Variants in PRRC2B observed in about 807,000 individuals in gnomAD.
The protein encoded by PRRC2B is proline rich coiled-coil 2B.
A neutral mutation model predicts 242.3 loss-of-function variants in PRRC2B; 68 were observed. That is an observed-to-expected ratio of 0.28 (90% CI 0.23 to 0.34). PRRC2B has a LOEUF of 0.34. Among genes scored for constraint, PRRC2B ranks in the 10% least tolerant of loss-of-function variants. The probability of loss-of-function intolerance (pLI) is 1.00; values close to 1 mark genes in which losing one functional copy is unlikely to be tolerated. For missense variants in PRRC2B, 2,835 were observed against 2,954.8 expected, an observed-to-expected ratio of 0.96 and a Z score of 0.94; for synonymous variants, 1,228 against 1,173.6, an observed-to-expected ratio of 1.05 and a Z score of -0.95.
At chr9:131,385,381 C>A (rs1489232719) in intron 1 of PRRC2B, among the ~76,000 whole-genome samples, 3 of 149,836 alleles carry the variant, frequency 2.0e-5, no homozygotes, top group Non-Finnish European at 1.5e-5. Flanking sequence ...CCCAAATGTC[C>A]TGGGAAATCC....
chr9:131,435,336 C>T (rs985007153), intron 3 of PRRC2B, among the ~76,000 whole-genome samples: 10 of 150,486 alleles, frequency 6.6e-5, no homozygotes, highest in African/African-American at 2.2e-4. Context: ...TATTGTAGGT[C>T]GGGCGCAGTG....
At chr9:131,486,222 G>A in intron 26 of PRRC2B, 40 bp downstream of exon 26, 1 of 1,381,880 alleles carries the variant, frequency 7.2e-7, no homozygotes, top group Non-Finnish European at 1.0e-6. Flanking sequence ...GGGGGTGGTG[G>A]GGAGGAGCCA....
intron 1 of PRRC2B, among the ~76,000 whole-genome samples, chr9:131,386,222 C>G (rs1280236449): frequency 6.7e-6 from 1 of 150,096 alleles, no homozygotes; most frequent in East Asian, 2.0e-4. Flanking sequence ...AAGCAATCCT[C>G]CCACCTCAGC....
rs750649851 is a variant in PRRC2B at position 131,430,204 on chromosome 9, T to A, written c.60T>A (p.Thr20=). 27 of 1,608,240 alleles carry A rather than the reference T, an allele frequency of 1.7e-5. No homozygotes were observed. The Admixed American group carries it at 3.4e-4, about 20-fold the overall frequency. ...AGGATGGGAAAAGCAAGTACTCGAC[T>A]CTCAGCCTGTTTGATAAGTATAAAG... is the stretch of plus-strand genomic sequence containing the variant. ...KGKDGKSKYS[T]LSLFDKYKGK... The change falls in exon 2 of 32, where the codon ACT becomes ACA. Residue 20 remains threonine, a synonymous_variant. Coordinates refer to ENST00000683519, the MANE Select transcript of PRRC2B (RefSeq NM_013318.4).
chr9:131,395,206 A>G (rs1320729682), intron 1 of PRRC2B, among the ~76,000 whole-genome samples: 3 of 151,996 alleles, frequency 2.0e-5, no homozygotes, highest in Non-Finnish European at 4.4e-5. Context: ...CTTTTGCTAA[A>G]TGGCTTCCTG....
Position 131,494,525 on chromosome 9 carries a change from T to G in PRRC2B, c.6555+39T>G. ...TTCCAGACCCTTCAGCCCTGGACAC[T>G]TAGGCCCGTCTCCAAGCGCCAAAAG... On this transcript the variant is annotated intron_variant, in intron 31 of 31. Coordinates refer to ENST00000683519, the MANE Select transcript of PRRC2B (RefSeq NM_013318.4). This position sits in a 1 kb window ranked among gnomAD's most constrained non-coding sequence, Gnocchi z 4.3. 2 of 1,161,832 alleles carry G rather than the reference T, an allele frequency of 1.7e-6. No individual in the cohort carries two copies. The highest frequency in any genetic ancestry group is 2.5e-6 in the Non-Finnish European group (2 of 795,064). 72.0% of individuals were successfully genotyped at this position (1,161,832 alleles called of 1,614,324 possible). A position where few individuals can be genotyped will look rare whatever the true frequency, so the allele number is the denominator to read the frequency against.
intron 1 of PRRC2B, among the ~76,000 whole-genome samples, chr9:131,425,711 G>T (rs1399330581): frequency 6.7e-6 from 1 of 149,186 alleles, no homozygotes; most frequent in African/African-American, 2.5e-5. Flanking sequence ...GGATGATCTC[G>T]ATCTCCTGAC....
At chr9:131,462,252 A>C (rs1271746897) in intron 11 of PRRC2B, among the ~76,000 whole-genome samples, 1 of 152,076 alleles carries the variant, frequency 6.6e-6, no homozygotes, top group African/African-American at 2.4e-5. Flanking sequence ...TCACTTTGTC[A>C]TTCATGCTGG....
In PRRC2B at chr9:131,455,115, T is replaced by C. The variant is rs1436157667; in HGVS notation, c.1160T>C (p.Phe387Ser). The change falls in exon 10 of 32, where the codon TTC (phenylalanine) becomes TCC (serine). Residue 387 changes from phenylalanine to serine, a missense_variant. Physicochemically the swap from Phe to Ser is radical, Grantham distance 155. Around this residue, in one of 7 missense-constraint regions of PRRC2B, gnomAD observed 626 missense variants for 685.5 expected, o/e 0.91. Transcript: ENST00000683519. ...EEVDYSEKLK[F>S]SDDEEEEEVV... Reference sequence around the variant, plus strand: ...GTGGACTATTCTGAGAAACTGAAGTTCAGTGATGATGAAGAGGAGGAAGAA... The same window carrying C: ...GTGGACTATTCTGAGAAACTGAAGTCCAGTGATGATGAAGAGGAGGAAGAA... 2 of 1,613,776 alleles carry C rather than the reference T, an allele frequency of 1.2e-6. No individual in the cohort carries two copies. The highest frequency in any genetic ancestry group is 1.7e-6 in the Non-Finnish European group (2 of 1,179,848).
At chr9:131,468,096 T>C (rs1943445904) in intron 13 of PRRC2B, among the ~76,000 whole-genome samples, 1 of 152,206 alleles carries the variant, frequency 6.6e-6, no homozygotes, top group Non-Finnish European at 1.5e-5. Context: ...TTGTTTTATT[T>C]CAGAGCAGTG....
At chr9:131,420,496 T>TCTTTTCTTTTCTTTTCTTTTC (rs59621148) in intron 1 of PRRC2B, among the ~76,000 whole-genome samples, 1 of 75,898 alleles carries the variant, frequency 1.3e-5, no homozygotes, top group Non-Finnish European at 2.7e-5. Context: ...TTTCTTTCTT[T>TCTTTTCTTTTCTTTTCTTTTC]TTTTTTTTTT....
rs757942894 is a variant in PRRC2B at position 131,497,022 on chromosome 9, CTCA to C, written c.*1151_*1153del. On this transcript the variant is annotated 3_prime_UTR_variant, in exon 32 of 32. Coordinates refer to ENST00000683519, the MANE Select transcript of PRRC2B (RefSeq NM_013318.4). ...GGACCTGTCTCCACCTCCCACACAG[CTCA>C]TCGTGAACACCACTTGGTGATGGAG... is the stretch of plus-strand genomic sequence containing the variant. 1.3e-5 allele frequency: 2 copies of C among 152,380 alleles called. No homozygotes were observed. The highest frequency in any genetic ancestry group is 2.9e-5 in the Non-Finnish European group (2 of 68,128). 9.4% of individuals were successfully genotyped at this position (152,380 alleles called of 1,614,324 possible). A position where few individuals can be genotyped will look rare whatever the true frequency, so the allele number is the denominator to read the frequency against.
At chr9:131,478,709 G>A (rs1325551568) in intron 18 of PRRC2B, 90 bp downstream of exon 18, 1 of 905,098 alleles carries the variant, frequency 1.1e-6, no homozygotes, top group African/African-American at 1.7e-5. Context: ...GGGAGTTCTC[G>A]GTCAAGCTCA....
At chr9:131,449,791 T>C (rs1942852827) in intron 9 of PRRC2B, among the ~76,000 whole-genome samples, 1 of 152,222 alleles carries the variant, frequency 6.6e-6, no homozygotes, top group South Asian at 2.1e-4. Context: ...TTTTGTGTCC[T>C]GTTTAAAAAA....
intron 1 of PRRC2B, among the ~76,000 whole-genome samples, chr9:131,408,019 C>T (rs548198567): frequency 1.4e-4 from 21 of 152,256 alleles, no homozygotes; most frequent in Non-Finnish European, 1.5e-4. Flanking sequence ...AGGAGTCCTT[C>T]GGTGCTTCTG....
chr9:131,475,862 T>C lies in PRRC2B; in HGVS notation c.3733T>C (p.Cys1245Arg). 1.2e-6 allele frequency: 2 copies of C among 1,613,656 alleles called. No individual in the cohort carries two copies. The highest frequency in any genetic ancestry group is 1.1e-5 in the South Asian group (1 of 91,074). The change falls in exon 16 of 32, where the codon TGC (cysteine) becomes CGC (arginine). Residue 1245 changes from cysteine to arginine, a missense_variant. Cys to Arg is a radical substitution (Grantham distance 180, BLOSUM62 -3). Coordinates refer to ENST00000683519, the MANE Select transcript of PRRC2B (RefSeq NM_013318.4). Reference sequence around the variant, plus strand: ...GCAGGAATATGGCCCTTCCGACACATGCGGATCCCGGCGACCTACAGACAG... The same window carrying C: ...GCAGGAATATGGCCCTTCCGACACACGCGGATCCCGGCGACCTACAGACAG... ...SWQEYGPSDT[C>R]GSRRPTDRDY...
chr9:131,473,987 G>A (rs1269164003), intron 15 of PRRC2B, among the ~76,000 whole-genome samples: 1 of 152,214 alleles, frequency 6.6e-6, no homozygotes, highest in African/African-American at 2.4e-5. Flanking sequence ...GGGCAGGCGG[G>A]TGGGGGCTTC....
intron 1 of PRRC2B, among the ~76,000 whole-genome samples, chr9:131,403,005 C>T (rs1039537098): frequency 9.2e-5 from 14 of 152,192 alleles, no homozygotes; most frequent in African/African-American, 2.9e-4. Context: ...TGGGATGGAT[C>T]GCTGCAGGAC....
chr9:131,467,625 T>A lies in PRRC2B; in HGVS notation c.1783T>A (p.Ser595Thr), dbSNP rs1182404148. 5.6e-6 allele frequency: 9 copies of A among 1,613,460 alleles called. No individual in the cohort carries two copies. The highest frequency in any genetic ancestry group is 7.6e-6 in the Non-Finnish European group (9 of 1,179,754). Reference sequence around the variant, plus strand: ...ATTCCCAGAAGAGGCACCCACAGTGTCCCCAGCAGTGGCACAGAGCAACAG... The same window carrying A: ...ATTCCCAGAAGAGGCACCCACAGTGACCCCAGCAGTGGCACAGAGCAACAG... ...TTFPEEAPTV[S>T]PAVAQSNSSE... The change falls in exon 13 of 32, where the codon TCC (serine) becomes ACC (threonine). Residue 595 changes from serine to threonine, a missense_variant. Coordinates refer to ENST00000683519, the MANE Select transcript of PRRC2B (RefSeq NM_013318.4).
Sources: gnomAD v4.1 joint callset for allele counts (sites outside exome capture counted in the v4.1 genomes callset) on GRCh38, gnomAD v4.1.1 for gene constraint, gnomAD v4.1.1 regional missense constraint, Gnocchi (gnomAD v3.1) non-coding constraint, MANE v1.5 for transcripts, NCBI Gene and HGNC (gene_info 2026-07-23, HGNC 2026-07-21) for gene names.